Variants in TMEM223 observed in about 807,000 individuals in gnomAD.
The protein encoded by TMEM223 is transmembrane protein 223.
A neutral mutation model predicts 14.1 loss-of-function variants in TMEM223; 14 were observed. That is an observed-to-expected ratio of 0.99 (90% confidence interval 0.66 to 1.55). The LOEUF is 1.55. Among genes scored for constraint, TMEM223 ranks in the 40% most tolerant of loss-of-function variants. TMEM223 has a pLI of 0.00. For synonymous variants in TMEM223, 145 were observed against 120.5 expected (o/e 1.20, Z -1.33); for missense variants, 346 against 269.9 (o/e 1.28, Z -1.97).
downstream of TMEM223, chr11:62,787,123 G>A (rs1218941968): frequency 6.4e-7 from 1 of 1,557,948 alleles, no homozygotes. Context: ...CATCATAGCC[G>A]GGCGGCAGGC....
intron 1 of TMEM223, among the ~76,000 whole-genome samples, chr11:62,781,575 G>A (rs1244679407): frequency 6.6e-6 from 1 of 151,532 alleles, no homozygotes; most frequent in Non-Finnish European, 1.5e-5. Context: ...TCGGGAGGCT[G>A]AGGCAGGAGA....
intron 1 of TMEM223, among the ~76,000 whole-genome samples, chr11:62,774,886 C>T (rs1205914504): frequency 7.3e-6 from 1 of 137,058 alleles, no homozygotes; most frequent in Middle Eastern, 4.0e-3. Context: ...AACAAAACTC[C>T]GTCTCAAAAA....
chr11:62,791,243 G>A (rs956211774), intron 1 of TMEM223, among the ~76,000 whole-genome samples: 3 of 152,018 alleles, frequency 2.0e-5, no homozygotes, highest in Non-Finnish European at 2.9e-5. Context: ...CACGGCGCTC[G>A]GAGACATCAC....
intron 1 of TMEM223, chr11:62,778,222 G>T: frequency 6.2e-7 from 1 of 1,613,738 alleles, no homozygotes; most frequent in Non-Finnish European, 8.5e-7. Context: ...AGAACTTGGA[G>T]GGGTAGGCGG....
chr11:62,786,474 G>A (rs777636663), downstream of TMEM223: 12 of 1,584,128 alleles, frequency 7.6e-6, no homozygotes, highest in South Asian at 1.2e-4. Context: ...ATGGGCCCAG[G>A]TTCCTCGAAT....
chr11:62,776,476 T>G (rs2084189163), intron 1 of TMEM223: 9 of 1,612,770 alleles, frequency 5.6e-6, no homozygotes, highest in Non-Finnish European at 7.6e-6. Context: ...TGGAGGTGAG[T>G]GGGGTGCAGG....
downstream of TMEM223, chr11:62,786,346 C>T (rs777391386): frequency 6.2e-7 from 1 of 1,614,142 alleles, no homozygotes; most frequent in East Asian, 2.2e-5. Flanking sequence ...TATCTAATGC[C>T]CAGGTCAAAG....
chr11:62,778,584 G>C, intron 1 of TMEM223: 1 of 618,332 alleles, frequency 1.6e-6, no homozygotes, highest in South Asian at 1.9e-5. Flanking sequence ...TGCTGGGGCG[G>C]TGTTTCACCC....
chr11:62,787,967 A>G (rs1451312615), downstream of TMEM223: 6 of 471,998 alleles, frequency 1.3e-5, no homozygotes, highest in South Asian at 3.1e-5. Flanking sequence ...TGACAAAATG[A>G]GAGATGGAGA....
intron 1 of TMEM223, among the ~76,000 whole-genome samples, chr11:62,791,372 C>T (rs552707892): frequency 2.0e-5 from 3 of 152,158 alleles, no homozygotes; most frequent in Non-Finnish European, 4.4e-5. Flanking sequence ...ATTCTCCTGC[C>T]TCAGCCTCCC....
At chr11:62,781,943 C>G (rs2084233082) in intron 1 of TMEM223, 1 of 1,614,120 alleles carries the variant, frequency 6.2e-7, no homozygotes, top group Non-Finnish European at 8.5e-7. Flanking sequence ...GCACTCCTGC[C>G]TTACTTTGTT....
chr11:62,788,311 G>T (rs2084313080), downstream of TMEM223, among the ~76,000 whole-genome samples: 1 of 152,344 alleles, frequency 6.6e-6, no homozygotes, highest in Non-Finnish European at 1.5e-5. Context: ...GCTGAGGCAG[G>T]AGAATCGCTT....
At chr11:62,781,751 G>C (rs1323934844) in intron 1 of TMEM223, 3 of 711,190 alleles carry the variant, frequency 4.2e-6, no homozygotes, top group African/African-American at 1.8e-5. Context: ...TACATTTATA[G>C]AAATAGAATT....
At chr11:62,782,011 G>A (rs1336466532) in intron 1 of TMEM223, 1 of 1,609,906 alleles carries the variant, frequency 6.2e-7, no homozygotes, top group Non-Finnish European at 8.5e-7. Context: ...TTATAAGGAA[G>A]AGATGACCCA....
downstream of TMEM223, chr11:62,786,790 C>T (rs767214874): frequency 2.5e-6 from 4 of 1,611,006 alleles, no homozygotes; most frequent in South Asian, 1.1e-5. Flanking sequence ...CTTGGCCACA[C>T]GCTTTGGCAC....
intron 1 of TMEM223, among the ~76,000 whole-genome samples, chr11:62,780,381 G>T (rs1236825731): frequency 4.6e-5 from 7 of 151,822 alleles, no homozygotes; most frequent in African/African-American, 1.7e-4. Context: ...TGTGGTGGTG[G>T]ACGCCTGTAA....
At chr11:62,776,085 T>C (rs1271387637) in intron 1 of TMEM223, among the ~76,000 whole-genome samples, 1 of 152,232 alleles carries the variant, frequency 6.6e-6, no homozygotes, top group Non-Finnish European at 1.5e-5. Context: ...TGTAGCTGTC[T>C]GGGCTTCCAG....
chr11:62,789,954 T>C, downstream of TMEM223: 1 of 1,614,150 alleles, frequency 6.2e-7, no homozygotes, highest in Non-Finnish European at 8.5e-7. Flanking sequence ...AGTGGAAGTC[T>C]GAAGCCACCC....
At chr11:62,787,278 G>T (rs779670910), downstream of TMEM223, 421 of 1,549,542 alleles carry the variant, frequency 2.7e-4, 1 homozygote, top group Non-Finnish European at 3.4e-4. Context: ...CGGACTACTC[G>T]CTGTACTTGC....
Sources: allele counts gnomAD v4.1 joint callset (sites outside exome capture counted in the v4.1 genomes callset), GRCh38; gene constraint gnomAD v4.1.1; transcripts MANE v1.5; gene names NCBI Gene and HGNC (gene_info 2026-07-23, HGNC 2026-07-21).